ATP13A4: variants seen among roughly 807,000 people sequenced by gnomAD.
The protein encoded by ATP13A4 is probable cation-transporting ATPase 13A4.
In ATP13A4, 114 loss-of-function variants were observed where a neutral mutation model predicts 142.5. The ratio of observed to expected loss-of-function variants is 0.80; its 90% CI spans 0.69 to 0.93. ATP13A4 has a LOEUF of 0.93. Ranked by LOEUF, ATP13A4 falls within the 40% of genes least tolerant of loss-of-function variation. The probability of loss-of-function intolerance (pLI) is 0.00; values close to 1 mark genes in which losing one functional copy is unlikely to be tolerated. For synonymous variants in ATP13A4, 488 were observed against 514.8 expected (o/e 0.95, Z 0.70); for missense variants, 1,392 against 1,454.0 (o/e 0.96, Z 0.69).
rs749277384 is a variant in ATP13A4 at position 193,459,604 on chromosome 3, A to AT, written c.1524-374dup. ...AGGCAGCCACCACCATGTCAGGCTA[A>AT]TTTTTTGTATTTTTAGCAAGGATGG... On this transcript the variant is annotated intron_variant, in intron 13 of 29. Transcript: ENST00000342695. Among the ~76,000 whole-genome samples the AT allele has an allele frequency of 9.9e-5, 15 of 152,042 alleles. 1 individual carries two copies. The highest frequency in any genetic ancestry group is 1.9e-4 in the Non-Finnish European group (13 of 67,996).
intron 27 of ATP13A4, among the ~76,000 whole-genome samples, 193 bp downstream of exon 27, chr3:193,411,985 T>A (rs1229886875): frequency 6.6e-6 from 1 of 152,156 alleles, no homozygotes; most frequent in African/African-American, 2.4e-5. Flanking sequence ...GCCCTAGTAT[T>A]TAATGTAGCT....
intron 7 of ATP13A4, among the ~76,000 whole-genome samples, chr3:193,486,712 G>A (rs6776949): frequency 0.44 from 67,399 of 151,940 alleles, 15,172 homozygotes; most frequent in African/African-American, 0.52. Flanking sequence ...CTGAAAAGAG[G>A]TATCTGGATT....
chr3:193,484,185 G>GTTAT (rs1325204250), intron 7 of ATP13A4, among the ~76,000 whole-genome samples, 180 bp from the exon 8 acceptor site: 1 of 152,036 alleles, frequency 6.6e-6, no homozygotes, highest in African/African-American at 2.4e-5. Context: ...CCAACTTCTA[G>GTTAT]TGCTCTTCAC....
intron 20 of ATP13A4, among the ~76,000 whole-genome samples, chr3:193,440,995 C>T (rs551643733): frequency 2.0e-5 from 3 of 150,250 alleles, no homozygotes; most frequent in African/African-American, 4.8e-5. Context: ...TCTAAACTAT[C>T]GATCTATCTC....
chr3:193,408,959 A>C (rs1463641294), intron 28 of ATP13A4, among the ~76,000 whole-genome samples: 2 of 152,190 alleles, frequency 1.3e-5, no homozygotes, highest in Non-Finnish European at 2.9e-5. Flanking sequence ...CAAATATAAT[A>C]GTTTTCTACT....
intron 27 of ATP13A4, 21 bp from the exon 28 acceptor site, chr3:193,411,091 G>C (rs746287047): frequency 6.5e-7 from 1 of 1,528,962 alleles, no homozygotes; most frequent in Non-Finnish European, 9.1e-7. Context: ...AAGAACACAA[G>C]GTATTATTTT....
rs58929710 is a variant in ATP13A4, at chr3:193,591,188, G to A, written n.91+1833C>T. 7.2e-3 allele frequency among the ~76,000 whole-genome samples: 1,101 copies of A among 152,172 alleles called. 10 individuals carry two copies. The highest frequency in any genetic ancestry group is 0.021 in the African/African-American group (885 of 41,524). On this transcript the variant is annotated intron_variant and non_coding_transcript_variant, in intron 1 of 3. Coordinates refer to the ATP13A4 transcript ENST00000489140. The stretch of plus-strand genomic sequence containing the variant: ...AAGCAATTTTTCTGCCTCAGCCTCC[G>A]AGTAGCTGGCTAATTTTTTTATTTT...
At chr3:193,405,445 A>C (rs1260828938) in intron 29 of ATP13A4, among the ~76,000 whole-genome samples, 1 of 152,290 alleles carries the variant, frequency 6.6e-6, no homozygotes, top group Non-Finnish European at 1.5e-5. Context: ...CTTCAGGAAA[A>C]GTTTGTTTCT....
intron 1 of ATP13A4, among the ~76,000 whole-genome samples, chr3:193,549,864 A>G (rs1166522846): frequency 6.6e-6 from 1 of 152,232 alleles, no homozygotes; most frequent in African/African-American, 2.4e-5. Context: ...ATTTCTAAGT[A>G]TATGTATATT....
At chr3:193,468,536 C>T (rs1718436383) in intron 9 of ATP13A4, among the ~76,000 whole-genome samples, 1 of 151,826 alleles carries the variant, frequency 6.6e-6, no homozygotes, top group African/African-American at 2.4e-5. Flanking sequence ...ATCGCTTGAG[C>T]CAGGAGTTCA....
chr3:193,550,567 A>C (rs1025949609), intron 1 of ATP13A4, among the ~76,000 whole-genome samples: 1 of 152,092 alleles, frequency 6.6e-6, no homozygotes, highest in Non-Finnish European at 1.5e-5. Flanking sequence ...CAGCCTCCCA[A>C]AGTGCCGGGA....
At chr3:193,508,167 C>T (rs1177934931) in intron 2 of ATP13A4, among the ~76,000 whole-genome samples, 1 of 152,210 alleles carries the variant, frequency 6.6e-6, no homozygotes, top group Non-Finnish European at 1.5e-5. Flanking sequence ...GAAACCAACT[C>T]TCCTGGCCCT....
chr3:193,469,069 A>G (rs543687350), intron 9 of ATP13A4, among the ~76,000 whole-genome samples: 15 of 152,302 alleles, frequency 9.8e-5, no homozygotes, highest in African/African-American at 3.6e-4. Context: ...ATGGATGATA[A>G]TTAAAGTCAC....
At chr3:193,490,398 T>C (rs940296147) in intron 6 of ATP13A4, among the ~76,000 whole-genome samples, 1 of 152,230 alleles carries the variant, frequency 6.6e-6, no homozygotes, top group Admixed American at 6.5e-5. Flanking sequence ...TTCTTCTCTA[T>C]GATATAACAC....
At chr3:193,536,492 T>C (rs1392890188) in intron 1 of ATP13A4, among the ~76,000 whole-genome samples, 1 of 152,030 alleles carries the variant, frequency 6.6e-6, no homozygotes, top group Non-Finnish European at 1.5e-5. Context: ...TAAAAGAGAA[T>C]TCTTTCAACT....
intron 2 of ATP13A4, among the ~76,000 whole-genome samples, chr3:193,574,618 A>T (rs562074896): frequency 1.2e-4 from 19 of 152,190 alleles, no homozygotes; most frequent in Non-Finnish European, 2.4e-4. Context: ...TGCGAGGCTG[A>T]GTCAGGAGAA....
chr3:193,502,976 C>T (rs1036161883), intron 2 of ATP13A4, among the ~76,000 whole-genome samples: 2 of 151,746 alleles, frequency 1.3e-5, no homozygotes, highest in Admixed American at 1.3e-4. Context: ...TCTTTCAAGG[C>T]TTAACTCAAA....
In ATP13A4 at chr3:193,529,599, G is replaced by A. The variant is rs1722207565; in HGVS notation, c.61-14728C>T. 6.7e-5 allele frequency among the ~76,000 whole-genome samples: 9 copies of A among 135,072 alleles called. No individual in the cohort carries two copies. In the South Asian group the frequency reaches 1.6e-3, roughly 24 times the overall value. 88.6% of individuals were successfully genotyped at this position (135,072 alleles called of 152,430 possible). A position where few individuals can be genotyped will look rare whatever the true frequency, so the allele number is the denominator to read the frequency against. Reference sequence around the variant, plus strand: ...GCAAGAGTGCCAAAATGCTAATAACGACACCTCTCACCAATTTCACATGTT... The same window carrying A: ...GCAAGAGTGCCAAAATGCTAATAACAACACCTCTCACCAATTTCACATGTT... On this transcript the variant is annotated intron_variant, in intron 1 of 29. Coordinates refer to ENST00000342695, the MANE Select transcript of ATP13A4 (RefSeq NM_032279.4).
intron 25 of ATP13A4, among the ~76,000 whole-genome samples, chr3:193,418,071 G>C (rs1346516491): frequency 8.6e-6 from 1 of 115,646 alleles, no homozygotes; most frequent in Non-Finnish European, 1.7e-5. Flanking sequence ...GCAGTGAGCC[G>C]AGATCCCGCC....
Sources: gnomAD v4.1 joint callset for allele counts (sites outside exome capture counted in the v4.1 genomes callset) on GRCh38, gnomAD v4.1.1 for gene constraint, MANE v1.5 for transcripts, NCBI Gene and HGNC (gene_info 2026-07-23, HGNC 2026-07-21) for gene names.